Variants in TFIP11 observed in about 807,000 individuals in gnomAD.
TFIP11 encodes the protein tuftelin-interacting protein 11.
A neutral mutation model predicts 96.8 loss-of-function variants in TFIP11; 86 were observed. The ratio of observed to expected loss-of-function variants is 0.89; its 90% CI spans 0.75 to 1.06. The LOEUF (loss-of-function observed/expected upper bound fraction) is 1.06, where lower values mean the gene tolerates loss of function less well. Among genes scored for constraint, TFIP11 ranks in the 50% least tolerant of loss-of-function variants. The pLI is 0.00. For synonymous variants in TFIP11, 405 were observed against 395.2 expected (o/e 1.02, Z -0.29); for missense variants, 881 against 1,076.7 (o/e 0.82, Z 2.54).
At position 26,497,507 on chromosome 22, in the gene TFIP11, G is replaced by C. The variant is rs148110717; in HGVS notation, c.1437-618C>G. 3.3e-5 allele frequency among the ~76,000 whole-genome samples: 5 copies of C among 152,350 alleles called. No individual in the cohort carries two copies. In the East Asian group the frequency reaches 9.6e-4, roughly 29 times the overall value. On this transcript the variant is annotated intron_variant, in intron 10 of 14. Transcript: ENST00000407690. ...TTGTACAACCACTATGGAAAACAGT[G>C]TGGAGATTCCTTAGAGAACTAAAAG...
chr22:26,495,696 GTGTGTA>G, intron 12 of TFIP11, among the ~76,000 whole-genome samples: 1 of 151,384 alleles, frequency 6.6e-6, no homozygotes. Flanking sequence ...GTGTGTGTGT[GTGTGTA>G]TGTATATATA....
In TFIP11 at chr22:26,491,491, T is replaced by C. The variant is rs769586175; in HGVS notation, c.*522A>G. ...TTAAAAGGACTGGAGGAGCTTGAGT[T>C]TCCTCAGACTTCACAATACATGGAC... On this transcript the variant is annotated 3_prime_UTR_variant, in exon 15 of 15. Coordinates refer to ENST00000407690, the MANE Select transcript of TFIP11 (RefSeq NM_012143.4). 1 of 1,613,622 alleles carries C rather than the reference T, an allele frequency of 6.2e-7. No homozygotes were observed. The highest frequency in any genetic ancestry group is 2.2e-5 in the East Asian group (1 of 44,884).
chr22:26,503,704 C>G lies in TFIP11; in HGVS notation c.610G>C (p.Asp204His), dbSNP rs760879057. 2 of 1,613,978 alleles carry G rather than the reference C, an allele frequency of 1.2e-6. No homozygotes were observed. Among genetic ancestry groups the G allele is most frequent in the South Asian group, 1.1e-5 (1 of 91,076 alleles). Residue 204 changes from aspartate (D) to histidine (H), a missense_variant, in exon 7 of 15, where the codon GAC becomes CAC. Asp to His is a moderately conservative substitution (Grantham distance 81, BLOSUM62 -1). Transcript: ENST00000407690. ...GSERTTQSMQ[D>H]FPVVDSEEEA... ...TCCTCTGAGTCAACCACAGGGAAGT[C>G]TTGCATGGACTGAGTGGTGCGCTCG... is the stretch of plus-strand genomic sequence containing the variant.
chr22:26,494,339 G>A (rs750551577), intron 13 of TFIP11, 35 bp from the exon 14 acceptor site: 18 of 1,613,770 alleles, frequency 1.1e-5, no homozygotes, highest in Non-Finnish European at 1.5e-5. Flanking sequence ...ATCCATCGTG[G>A]CAACAAATGA....
In TFIP11 at chr22:26,491,692, G is replaced by T; in HGVS notation, c.*321C>A. 6.2e-7 allele frequency: 1 copy of T among 1,601,526 alleles called. No individual in the cohort carries two copies. The highest frequency in any genetic ancestry group is 8.5e-7 in the Non-Finnish European group (1 of 1,176,876). ...GACTGAACTCGTTGTGAGGTACTCAGTGTTGGCTGAGGTAGAAGCTGCCAC... is the reference window on the plus strand; with the variant it reads ...GACTGAACTCGTTGTGAGGTACTCATTGTTGGCTGAGGTAGAAGCTGCCAC... On this transcript the variant is annotated 3_prime_UTR_variant, in exon 15 of 15. Coordinates refer to ENST00000407690, the MANE Select transcript of TFIP11 (RefSeq NM_012143.4).
At chr22:26,495,210 C>T (rs1204678993) in intron 12 of TFIP11, among the ~76,000 whole-genome samples, 3 of 148,618 alleles carry the variant, frequency 2.0e-5, no homozygotes, top group African/African-American at 7.4e-5. Flanking sequence ...GATCTGCCCA[C>T]CTCAGCCTCC....
chr22:26,499,967 A>T (rs938690323), intron 8 of TFIP11, among the ~76,000 whole-genome samples: 1 of 152,242 alleles, frequency 6.6e-6, no homozygotes, highest in Non-Finnish European at 1.5e-5. Flanking sequence ...TGTACTGATC[A>T]AAGAAGGTAA....
At position 26,491,843 on chromosome 22, in the gene TFIP11, G is replaced by C; in HGVS notation, c.*170C>G. 1 of 915,152 alleles carries C rather than the reference G, an allele frequency of 1.1e-6. No homozygotes were observed. The highest frequency in any genetic ancestry group is 1.7e-5 in the South Asian group (1 of 57,328). The allele number at this position is 915,152 out of a possible 1,614,324, so 56.7% of individuals were successfully genotyped here. A position where few individuals can be genotyped will look rare whatever the true frequency, so the allele number is the denominator to read the frequency against. The stretch of plus-strand genomic sequence containing the variant: ...ATGAGGACTTGGTATAAAGATTCCT[G>C]CCCTACGTGGCATTGTCCCATTTTA... On this transcript the variant is annotated 3_prime_UTR_variant, in exon 15 of 15. Transcript: ENST00000407690.
intron 1 of TFIP11, 77 bp downstream of exon 1, chr22:26,512,317 G>A (rs1924174605): frequency 6.6e-6 from 1 of 152,290 alleles, no homozygotes; most frequent in Non-Finnish European, 1.5e-5. Context: ...CAACGGCTTG[G>A]ACCGAAGCTC....
At position 26,501,938 on chromosome 22, in the gene TFIP11, T is replaced by G. The variant is rs372358265; in HGVS notation, c.763A>C (p.Lys255Gln). ...ELKAKGRISK[K>Q]LTAPQKELSQ... ...AGTTCCTTCTGGGGAGCAGTGAGCT[T>G]CTTGCTAATCCTGCCCTTGGCCTTC... Residue 255 changes from lysine (K) to glutamine (Q), a missense_variant, in exon 8 of 15, where the codon AAG becomes CAG. Physicochemically the swap from Lys to Gln is moderately conservative, Grantham distance 53. Transcript: ENST00000407690. 5 of 1,613,746 alleles carry G rather than the reference T, an allele frequency of 3.1e-6. No homozygotes were observed. The African/African-American group carries it at 4.0e-5, about 13-fold the overall frequency.
At chr22:26,499,674 C>T (rs1034595881) in intron 8 of TFIP11, 43 bp from the exon 9 acceptor site, 1 of 1,557,198 alleles carries the variant, frequency 6.4e-7, no homozygotes, top group East Asian at 2.3e-5. Context: ...CGCTGCAGCC[C>T]TGTTAAACAC....
chr22:26,496,708 ACT>A lies in TFIP11; in HGVS notation c.1605+11_1605+12del. Reference sequence around the variant, plus strand: ...TTAGTGATGACGACTGTTTCCCATGACTCTCATCCCACCTCCTTTTGCAGCTT... The same window carrying A: ...TTAGTGATGACGACTGTTTCCCATGACTCATCCCACCTCCTTTTGCAGCTT... On this transcript the variant is annotated intron_variant, in intron 11 of 14. Transcript: ENST00000407690. The A allele has an allele frequency of 6.2e-7, 1 of 1,612,106 alleles. No individual in the cohort carries two copies. The highest frequency in any genetic ancestry group is 8.5e-7 in the Non-Finnish European group (1 of 1,178,416).
In TFIP11 at chr22:26,491,756, A is replaced by G. The variant is rs1921215406; in HGVS notation, c.*257T>C. 7.8e-7 allele frequency: 1 copy of G among 1,283,412 alleles called. No individual in the cohort carries two copies. The highest frequency in any genetic ancestry group is 1.1e-6 in the Non-Finnish European group (1 of 926,674). The allele number at this position is 1,283,412 out of a possible 1,614,324, so 79.5% of individuals were successfully genotyped here. A position where few individuals can be genotyped will look rare whatever the true frequency, so the allele number is the denominator to read the frequency against. On this transcript the variant is annotated 3_prime_UTR_variant, in exon 15 of 15. Transcript: ENST00000407690. ...GAAGGCTGCTATGGAGGAACTACAG[A>G]GAACTCCTTTGCCAGGAAAGAACAT...
chr22:26,491,632 TC>T lies in TFIP11; in HGVS notation c.*380del, dbSNP rs756605538. 6.1e-5 allele frequency: 98 copies of T among 1,613,496 alleles called. No individual in the cohort carries two copies. The highest frequency in any genetic ancestry group is 9.3e-6 in the Non-Finnish European group (11 of 1,180,044). ...TATCAGGACTGTGAGGACCTTGAAATCATCAGGAACAAGAGAGAAGATCCTT... is the reference window on the plus strand; with the variant it reads ...TATCAGGACTGTGAGGACCTTGAAATATCAGGAACAAGAGAGAAGATCCTT... On this transcript the variant is annotated 3_prime_UTR_variant, in exon 15 of 15. Transcript: ENST00000407690.
Position 26,509,582 on chromosome 22 carries a change from G to A in TFIP11, c.209+482C>T, listed in dbSNP as rs146856856. Among the ~76,000 whole-genome samples the A allele has an allele frequency of 3.5e-3, 538 of 152,318 alleles. 14 individuals are homozygous for A. The East Asian group carries it at 0.065, about 18-fold the overall frequency. On this transcript the variant is annotated intron_variant, in intron 4 of 14. Transcript: ENST00000407690. ...GATAATTAAATCAGTGAGGCCAGGC[G>A]TGGTGGCTCACGCCTGTAATCCCAG...
rs1391992949 is a variant in TFIP11 at position 26,499,313 on chromosome 22, T to C, written c.1120A>G (p.Ser374Gly). 1.9e-6 allele frequency: 3 copies of C among 1,614,134 alleles called. No individual in the cohort carries two copies. The Admixed American group carries it at 5.0e-5, about 27-fold the overall frequency. Residue 374 changes from serine (S) to glycine (G), a missense_variant, in exon 9 of 15, where the codon AGC (serine) becomes GGC (glycine). Ser to Gly is a moderately conservative substitution (Grantham distance 56). Coordinates refer to ENST00000407690, the MANE Select transcript of TFIP11 (RefSeq NM_012143.4). ...TCCTCCACCATCTCCAGGACCTTGC[T>C]GAGGTTCGAGATGACCCGCTCCTCG... Reference protein sequence around the residue: ...DHEERVISNLSKVLEMVEECE... With the variant: ...DHEERVISNLGKVLEMVEECE...
chr22:26,492,325 G>GAGAT lies in TFIP11; in HGVS notation c.2198_2201dup (p.Thr735SerfsTer22). The GAGAT allele has an allele frequency of 1.2e-6, 2 of 1,614,210 alleles. No homozygotes were observed. Among genetic ancestry groups the GAGAT allele is most frequent in the Non-Finnish European group, 1.7e-6 (2 of 1,180,050 alleles). The stretch of plus-strand genomic sequence containing the variant: ...AGTCCTTCCTCCGCTCCGTGTGGGT[G>GAGAT]AGATAGGCAATGTTCTCCCGTGCTC... On this transcript the variant is annotated frameshift_variant, in exon 15 of 15. Coordinates refer to ENST00000407690, the MANE Select transcript of TFIP11 (RefSeq NM_012143.4). LOFTEE classifies it high-confidence loss of function.
At position 26,506,715 on chromosome 22, in the gene TFIP11, T is replaced by C. The variant is rs151119944; in HGVS notation, c.363+60A>G. ...GAGTTTCTCCCTGGCTAGAAAATGC[T>C]TGGGCCACAATGACCTTTGAAGGAT... is the stretch of plus-strand genomic sequence containing the variant. On this transcript the variant is annotated intron_variant, in intron 5 of 14. Coordinates refer to ENST00000407690, the MANE Select transcript of TFIP11 (RefSeq NM_012143.4). The C allele has an allele frequency of 4.4e-5, 70 of 1,588,570 alleles. No individual in the cohort carries two copies. The East Asian group carries it at 1.1e-3, about 24-fold the overall frequency.
At chr22:26,492,573 T>C in intron 14 of TFIP11, 1 of 581,168 alleles carries the variant, frequency 1.7e-6, no homozygotes. Flanking sequence ...CTGGCTAGTA[T>C]CTAGTAACCA....
Sources: allele counts gnomAD v4.1 joint callset (sites outside exome capture counted in the v4.1 genomes callset), GRCh38; gene constraint gnomAD v4.1.1; transcripts MANE v1.5; gene names NCBI Gene and HGNC (gene_info 2026-07-23, HGNC 2026-07-21).